ABHD12B: variants seen among roughly 807,000 people sequenced by gnomAD.
The protein encoded by ABHD12B is protein ABHD12B.
In ABHD12B, 42 loss-of-function variants were observed where a neutral mutation model predicts 50.4. The ratio of observed to expected loss-of-function variants is 0.83; its 90% CI spans 0.65 to 1.08. The LOEUF (loss-of-function observed/expected upper bound fraction) is 1.08, where lower values mean the gene tolerates loss of function less well. Among genes scored for constraint, ABHD12B ranks in the 50% least tolerant of loss-of-function variants. The probability of loss-of-function intolerance (pLI) is 0.00; values close to 1 mark genes in which losing one functional copy is unlikely to be tolerated. For missense variants in ABHD12B, 479 were observed against 447.7 expected (o/e 1.07, Z -0.63); for synonymous variants, 167 against 160.3 (o/e 1.04, Z -0.32).
chr14:50,881,325 C>A (rs556232694), intron 4 of ABHD12B, among the ~76,000 whole-genome samples: 82 of 152,238 alleles, frequency 5.4e-4, no homozygotes, highest in African/African-American at 1.9e-3. Context: ...CTGTCTTTTT[C>A]TGGCAGGTGA....
In ABHD12B at chr14:50,887,732, G is replaced by T. The variant is rs150851305; in HGVS notation, c.700+1048G>T. Among the ~76,000 whole-genome samples the T allele has an allele frequency of 4.9e-3, 741 of 152,308 alleles. 7 individuals are homozygous for T. Among genetic ancestry groups the T allele is most frequent in the African/African-American group, 0.017 (697 of 41,564 alleles). On this transcript the variant is annotated intron_variant, in intron 8 of 12. Transcript: ENST00000337334. ...CCTTAATCTAATTAGAGATTGAGCT[G>T]ATCTGAAGCTGGTCTTCAGTCTTTA...
Position 50,892,626 on chromosome 14 carries a change from A to T in ABHD12B, c.780+3723A>T, listed in dbSNP as rs370341916. The T allele has an allele frequency of 1.3e-5, 13 of 971,194 alleles. No individual in the cohort carries two copies. In the African/African-American group the frequency reaches 2.3e-4, roughly 17 times the overall value. The allele number at this position is 971,194 out of a possible 1,614,324, so 60.2% of individuals were successfully genotyped here. A position where few individuals can be genotyped will look rare whatever the true frequency, so the allele number is the denominator to read the frequency against. ...GCTTTGACTTTATCTTCTGTGTTATATGGTTTCTATATTTTTAATTTCTGG... is the reference window on the plus strand; with the variant it reads ...GCTTTGACTTTATCTTCTGTGTTATTTGGTTTCTATATTTTTAATTTCTGG... On this transcript the variant is annotated intron_variant, in intron 9 of 12. Coordinates refer to ENST00000337334, the MANE Select transcript of ABHD12B (RefSeq NM_001206673.2).
chr14:50,895,154 C>A (rs2050179913), intron 9 of ABHD12B, among the ~76,000 whole-genome samples: 1 of 149,958 alleles, frequency 6.7e-6, no homozygotes, highest in Admixed American at 6.6e-5. Flanking sequence ...CACTTTACAG[C>A]CCTAGACCCT....
chr14:50,872,246 C>T lies in ABHD12B; in HGVS notation c.72C>T (p.Ala24=), dbSNP rs1158430272. The T allele has an allele frequency of 2.9e-6, 4 of 1,393,136 alleles. No homozygotes were observed. In the African/African-American group the frequency reaches 4.5e-5, roughly 16 times the overall value. 86.3% of individuals were successfully genotyped at this position (1,393,136 alleles called of 1,614,324 possible). ...PPGPPARSCV[A]AWWDMVDRNL... The stretch of plus-strand genomic sequence containing the variant: ...GGCCCCCAGCCCGTAGCTGCGTGGC[C>T]GCCTGGTGGGACATGGTCGACCGCA... Residue 24 remains alanine, a synonymous_variant, in exon 1 of 13, where the codon GCC becomes GCT. Transcript: ENST00000337334.
intron 7 of ABHD12B, among the ~76,000 whole-genome samples, chr14:50,886,440 C>CA (rs534954967): frequency 0.059 from 3,669 of 62,634 alleles, 84 homozygotes; most frequent in African/African-American, 0.1. Context: ...GCTCTGTCTC[C>CA]AAAAAAAAAA....
chr14:50,880,928 A>G (rs2049934149), intron 4 of ABHD12B, among the ~76,000 whole-genome samples: 1 of 152,202 alleles, frequency 6.6e-6, no homozygotes, highest in Admixed American at 6.5e-5. Flanking sequence ...AGGAAGAGCC[A>G]TTTCCAGATC....
At position 50,873,979 on chromosome 14, in the gene ABHD12B, T is replaced by C. The variant is rs1261055626; in HGVS notation, c.104+1701T>C. 2.6e-5 allele frequency among the ~76,000 whole-genome samples: 4 copies of C among 152,312 alleles called. No individual in the cohort carries two copies. The East Asian group carries it at 7.7e-4, about 29-fold the overall frequency. On this transcript the variant is annotated intron_variant, in intron 1 of 12. Transcript: ENST00000337334. Reference sequence around the variant, plus strand: ...TGTCTTCATCTGAGCAGAAGATTATTGGCTACCATAAGATGTGCTGAGGCT... The same window carrying C: ...TGTCTTCATCTGAGCAGAAGATTATCGGCTACCATAAGATGTGCTGAGGCT...
intron 9 of ABHD12B, among the ~76,000 whole-genome samples, chr14:50,896,905 T>C (rs1012202277): frequency 5.9e-5 from 9 of 152,114 alleles, no homozygotes; most frequent in African/African-American, 2.2e-4. Context: ...TTGTTACTGG[T>C]TTTTTGGACT....
At chr14:50,892,394 C>A in intron 9 of ABHD12B, 1 of 985,272 alleles carries the variant, frequency 1.0e-6, no homozygotes, top group Non-Finnish European at 1.2e-6. Flanking sequence ...CAGGCAAAGT[C>A]TAGCTTTGGC....
intron 9 of ABHD12B, among the ~76,000 whole-genome samples, chr14:50,900,565 G>A (rs1211329829): frequency 6.6e-6 from 1 of 152,248 alleles, no homozygotes; most frequent in Non-Finnish European, 1.5e-5. Flanking sequence ...GAGAATGACT[G>A]GGTGGTGGGG....
chr14:50,882,973 CAAA>C (rs10648046), intron 5 of ABHD12B, among the ~76,000 whole-genome samples: 4 of 112,904 alleles, frequency 3.5e-5, no homozygotes, highest in Admixed American at 9.5e-5. Context: ...GACCCTGACT[CAAA>C]AAAAAAAAAA....
chr14:50,877,930 T>G lies in ABHD12B; in HGVS notation c.105-22T>G, dbSNP rs1436099538. 2.7e-6 allele frequency: 4 copies of G among 1,479,344 alleles called. No homozygotes were observed. In the African/African-American group the frequency reaches 4.3e-5, roughly 16 times the overall value. The allele number at this position is 1,479,344 out of a possible 1,614,324, so 91.6% of individuals were successfully genotyped here. On this transcript the variant is annotated intron_variant, in intron 1 of 12. Transcript: ENST00000337334. ...AAATGGATTAATTTCGAAAACCTTG[T>G]GTGTTTCCCAATACCTTGCAGATAT...
intron 7 of ABHD12B, 34 bp from the exon 8 acceptor site, chr14:50,886,609 ATTGC>A: frequency 6.3e-7 from 1 of 1,594,094 alleles, no homozygotes; most frequent in African/African-American, 1.3e-5. Flanking sequence ...TTGTACTGTT[ATTGC>A]TTAACACATG....
chr14:50,878,961 C>A (rs1016612570), intron 3 of ABHD12B, 114 bp downstream of exon 3: 14 of 795,880 alleles, frequency 1.8e-5, no homozygotes, highest in South Asian at 5.0e-5. Context: ...CCTGGAGGTA[C>A]CTGGAGGCTG....
rs367676030 is a variant in ABHD12B, at chr14:50,894,558, A to G, written c.780+5655A>G. Among the ~76,000 whole-genome samples, 38 of 152,290 alleles carry G rather than the reference A, an allele frequency of 2.5e-4. No individual in the cohort carries two copies. In the East Asian group the frequency reaches 6.4e-3, roughly 26 times the overall value. On this transcript the variant is annotated intron_variant, in intron 9 of 12. Transcript: ENST00000337334. ...TCTAAATGACTTATTTTCTTCTGCA[A>G]TGCCGCTTGACCCCAATACAAACCG...
chr14:50,883,802 T>C (rs113246596), intron 5 of ABHD12B, among the ~76,000 whole-genome samples: 77 of 152,374 alleles, frequency 5.1e-4, no homozygotes, highest in African/African-American at 1.8e-3. Flanking sequence ...TTTCCTCCTC[T>C]GGATAGGTGA....
At chr14:50,875,988 A>AG (rs1479563043) in intron 1 of ABHD12B, among the ~76,000 whole-genome samples, 2 of 152,140 alleles carry the variant, frequency 1.3e-5, no homozygotes, top group Non-Finnish European at 2.9e-5. Context: ...CTTAGAAGGA[A>AG]GCCAGCAGGA....
At chr14:50,890,099 T>C (rs573302980) in intron 9 of ABHD12B, among the ~76,000 whole-genome samples, 1 of 152,276 alleles carries the variant, frequency 6.6e-6, no homozygotes, top group East Asian at 1.9e-4. Context: ...ATAATAAATA[T>C]TTTCAATTGG....
chr14:50,886,011 G>A, intron 7 of ABHD12B, 116 bp downstream of exon 7: 1 of 1,448,972 alleles, frequency 6.9e-7, no homozygotes, highest in Non-Finnish European at 9.4e-7. Flanking sequence ...ACTCTTTGCT[G>A]ATCATTTTCA....
Sources: gnomAD v4.1 joint callset for allele counts (sites outside exome capture counted in the v4.1 genomes callset) on GRCh38, gnomAD v4.1.1 for gene constraint, MANE v1.5 for transcripts, NCBI Gene and HGNC (gene_info 2026-07-23, HGNC 2026-07-21) for gene names.